Variants in APOBEC1 observed in about 807,000 individuals in gnomAD.
APOBEC1 encodes the protein apolipoprotein B mRNA editing enzyme catalytic subunit 1.
APOBEC1 carries 22 observed loss-of-function variants against 26.3 expected under a neutral mutation model. The observed-to-expected ratio is 0.84, with a 90% CI of 0.60 to 1.19. APOBEC1 has a LOEUF of 1.19. APOBEC1 is among the 50% of genes most tolerant of loss of function. The probability of loss-of-function intolerance (pLI) is 0.00; values close to 1 mark genes in which losing one functional copy is unlikely to be tolerated. For synonymous variants in APOBEC1, 77 were observed against 95.3 expected, an observed-to-expected ratio of 0.81 and a Z score of 1.12; for missense variants, 253 against 289.0, an observed-to-expected ratio of 0.88 and a Z score of 0.90.
upstream of APOBEC1, among the ~76,000 whole-genome samples, chr12:7,668,641 T>C (rs1863920735): frequency 1.3e-5 from 2 of 152,166 alleles, no homozygotes; most frequent in Non-Finnish European, 2.9e-5. Context: ...CACCTGAAAA[T>C]TTATGAATTT....
chr12:7,652,044 C>T (rs748990628), intron 3 of APOBEC1, among the ~76,000 whole-genome samples: 1 of 152,136 alleles, frequency 6.6e-6, no homozygotes, highest in East Asian at 1.9e-4. Flanking sequence ...GGATGGTCTC[C>T]ATCTCCTGAT....
chr12:7,652,794 G>C lies in APOBEC1; in HGVS notation c.86C>G (p.Pro29Arg). The change falls in exon 3 of 5, where the codon CCC becomes CGC. Residue 29 changes from proline (P) to arginine (R), a missense_variant. Transcript: ENST00000229304. The part of the protein sequence containing the change: ...EPWEFDVFYD[P>R]RELRKEACLL... ...ACAGGCCTCTTTACGAAGTTCTCTG[G>C]GGTCATAGAAGACGTCAAACTCCCA... is the stretch of plus-strand genomic sequence containing the variant. 1 of 1,608,328 alleles carries C rather than the reference G, an allele frequency of 6.2e-7. No homozygotes were observed. Among genetic ancestry groups the C allele is most frequent in the South Asian group, 1.1e-5 (1 of 90,342 alleles).
At chr12:7,662,954 A>G (rs1032873063) in intron 1 of APOBEC1, among the ~76,000 whole-genome samples, 1 of 152,102 alleles carries the variant, frequency 6.6e-6, no homozygotes, top group Non-Finnish European at 1.5e-5. Context: ...AAGCCATTAG[A>G]GAGTATGGGG....
upstream of APOBEC1, among the ~76,000 whole-genome samples, chr12:7,668,324 C>T (rs1270965261): frequency 2.0e-5 from 3 of 152,150 alleles, no homozygotes; most frequent in Admixed American, 6.6e-5. Flanking sequence ...TACTTCAGAC[C>T]TCCAGAACTA....
chr12:7,668,358 AC>A (rs1863917802), upstream of APOBEC1, among the ~76,000 whole-genome samples: 1 of 152,194 alleles, frequency 6.6e-6, no homozygotes, highest in African/African-American at 2.4e-5. Context: ...GTCGTTTTAT[AC>A]CATTAAGTCT....
intron 2 of APOBEC1, 46 bp downstream of exon 2, chr12:7,654,559 G>C: frequency 6.3e-7 from 1 of 1,597,354 alleles, no homozygotes; most frequent in Non-Finnish European, 8.6e-7. Context: ...AATACCCATT[G>C]ATTCTTGATC....
Position 7,660,227 on chromosome 12 carries a change from C to T in APOBEC1, c.17-5595G>A, listed in dbSNP as rs182370827. On this transcript the variant is annotated intron_variant, in intron 1 of 4. Transcript: ENST00000229304. ...CTGAGACAGGAGAATTGCTTGAACC[C>T]GGGAGGCAGAGGTTGCAGTGAGCAG... Among the ~76,000 whole-genome samples, 60 of 150,342 alleles carry T rather than the reference C, an allele frequency of 4.0e-4. 1 individual carries two copies. The highest frequency in any genetic ancestry group is 7.9e-4 in the East Asian group (4 of 5,034).
chr12:7,663,773 C>T (rs912700046), intron 1 of APOBEC1, among the ~76,000 whole-genome samples: 1 of 152,114 alleles, frequency 6.6e-6, no homozygotes, highest in Non-Finnish European at 1.5e-5. Flanking sequence ...ACACCACCTT[C>T]ATAAGAAAAG....
At chr12:7,668,671 C>T (rs1293479933), upstream of APOBEC1, among the ~76,000 whole-genome samples, 1 of 152,102 alleles carries the variant, frequency 6.6e-6, no homozygotes, top group Non-Finnish European at 1.5e-5. Flanking sequence ...TATACATACA[C>T]TTATGTAACT....
At chr12:7,661,569 C>T (rs941863809) in intron 1 of APOBEC1, among the ~76,000 whole-genome samples, 6 of 151,558 alleles carry the variant, frequency 4.0e-5, no homozygotes, top group Non-Finnish European at 8.8e-5. Flanking sequence ...AACCACAACT[C>T]GAGAGGAAGG....
At chr12:7,660,375 G>A (rs9795639) in intron 1 of APOBEC1, among the ~76,000 whole-genome samples, 5,804 of 23,240 alleles carry the variant, frequency 0.25, 516 homozygotes, top group Admixed American at 0.38. Flanking sequence ...AAGGAAGGAA[G>A]GAAAGAAAGA....
chr12:7,654,702 T>C (rs1863690078), intron 1 of APOBEC1, 70 bp from the exon 2 acceptor site: 2 of 1,441,814 alleles, frequency 1.4e-6, no homozygotes, highest in Non-Finnish European at 2.0e-6. Context: ...AAAAGTGCTC[T>C]ATTATTCCAA....
chr12:7,665,973 G>A, upstream of APOBEC1: 1 of 1,246,758 alleles, frequency 8.0e-7, no homozygotes, highest in Non-Finnish European at 1.2e-6. Flanking sequence ...TGCTTGGGCA[G>A]AGGATGACTC....
At chr12:7,656,248 C>G (rs1411072441) in intron 1 of APOBEC1, among the ~76,000 whole-genome samples, 1 of 152,022 alleles carries the variant, frequency 6.6e-6, no homozygotes, top group Non-Finnish European at 1.5e-5. Flanking sequence ...TCAGATTACT[C>G]CATGGTTATG....
intron 1 of APOBEC1, among the ~76,000 whole-genome samples, chr12:7,658,533 T>G (rs752249944): frequency 6.6e-6 from 1 of 152,268 alleles, no homozygotes; most frequent in African/African-American, 2.4e-5. Context: ...GGTGTCACAG[T>G]GCCAGATGGT....
intron 3 of APOBEC1, among the ~76,000 whole-genome samples, chr12:7,651,566 T>C (rs1184440795): frequency 2.0e-5 from 3 of 146,452 alleles, no homozygotes; most frequent in Admixed American, 7.0e-5. Flanking sequence ...GAGTCGAGAT[T>C]GCACCACTGC....
intron 3 of APOBEC1, among the ~76,000 whole-genome samples, chr12:7,651,655 T>C (rs898713420): frequency 2.0e-5 from 3 of 151,534 alleles, no homozygotes; most frequent in African/African-American, 7.3e-5. Flanking sequence ...TTTGTTTTTG[T>C]TTTTTGATAC....
upstream of APOBEC1, among the ~76,000 whole-genome samples, chr12:7,666,061 G>T (rs899764905): frequency 2.6e-5 from 4 of 152,050 alleles, no homozygotes; most frequent in African/African-American, 9.7e-5. Flanking sequence ...ACATTATCGT[G>T]GGGATTTGCA....
chr12:7,657,702 C>T (rs1366964475), intron 1 of APOBEC1, among the ~76,000 whole-genome samples: 2 of 151,910 alleles, frequency 1.3e-5, no homozygotes, highest in East Asian at 3.9e-4. Context: ...GGGAAATTTC[C>T]GTCTCTACAA....
Sources: allele counts gnomAD v4.1 joint callset (sites outside exome capture counted in the v4.1 genomes callset), GRCh38; gene constraint gnomAD v4.1.1; transcripts MANE v1.5; gene names NCBI Gene and HGNC (gene_info 2026-07-23, HGNC 2026-07-21).